C5: variants seen among roughly 807,000 people sequenced by gnomAD.
C5 encodes the protein complement C5.
C5 carries 140 observed loss-of-function variants against 218.8 expected under a neutral mutation model. The observed-to-expected ratio is 0.64, with a 90% CI of 0.56 to 0.74. The LOEUF (loss-of-function observed/expected upper bound fraction) is 0.74, where lower values mean the gene tolerates loss of function less well. C5 is among the 30% of genes least tolerant of loss of function. C5 has a pLI of 0.00. For missense variants in C5, 1,700 were observed against 1,969.6 expected, an observed-to-expected ratio of 0.86 and a Z score of 2.59; for synonymous variants, 614 against 682.3, an observed-to-expected ratio of 0.90 and a Z score of 1.56.
At position 120,978,495 on chromosome 9, in the gene C5, A is replaced by G. The variant is rs530706927; in HGVS notation, c.3658+1588T>C. Among the ~76,000 whole-genome samples the G allele has an allele frequency of 3.9e-5, 6 of 152,300 alleles. No individual in the cohort carries two copies. The South Asian group carries it at 1.0e-3, about 26-fold the overall frequency. ...CTTAAATTTTATGATTTTATGACCC[A>G]TATCTCACAATACCCAAGACATTTC... On this transcript the variant is annotated intron_variant, in intron 28 of 40. Coordinates refer to ENST00000223642, the MANE Select transcript of C5 (RefSeq NM_001735.3).
rs758284368 is a variant in C5 at position 121,015,247 on chromosome 9, C to T, written c.2011G>A (p.Glu671Lys). 5.6e-6 allele frequency: 9 copies of T among 1,604,608 alleles called. No individual in the cohort carries two copies. Among genetic ancestry groups the T allele is most frequent in the Middle Eastern group, 1.7e-4 (1 of 6,042 alleles). The change falls in exon 16 of 41, where the codon GAA becomes AAA. Residue 671 changes from glutamate (E) to lysine (K), a missense_variant. Glu to Lys is a moderately conservative substitution (Grantham distance 56, BLOSUM62 1). Coordinates refer to ENST00000223642, the MANE Select transcript of C5 (RefSeq NM_001735.3). ...AGCGTTCTTCTTGGCCTGAGAATTT[C>T]TTTACAAGGTTCATCTGGTTTTTTT... ...DSQENDEPCK[E>K]ILRPRRTLQK...
chr9:121,007,217 C>A (rs2047223314), intron 18 of C5, among the ~76,000 whole-genome samples: 1 of 152,150 alleles, frequency 6.6e-6, no homozygotes, highest in East Asian at 1.9e-4. Flanking sequence ...CAGAAGAATG[C>A]CTTTGAAACA....
chr9:120,991,281 CT>C lies in C5; in HGVS notation c.2852-2del, dbSNP rs1316405522. 6.3e-7 allele frequency: 1 copy of C among 1,585,918 alleles called. No homozygotes were observed. The highest frequency in any genetic ancestry group is 8.7e-7 in the Non-Finnish European group (1 of 1,154,524). The stretch of plus-strand genomic sequence containing the variant: ...AACTCCTTTCGTCTGCTAATGGTAC[CT>C]GTAATTTAGAAAATTTGGATTTATA... On this transcript the variant is annotated splice_acceptor_variant, in intron 22 of 40. Coordinates refer to ENST00000223642, the MANE Select transcript of C5 (RefSeq NM_001735.3). LOFTEE classifies it high-confidence loss of function.
chr9:120,969,192 G>C, intron 32 of C5, 74 bp from the exon 33 acceptor site: 1 of 1,178,296 alleles, frequency 8.5e-7, no homozygotes, highest in South Asian at 1.2e-5. Context: ...GAACCTGTCA[G>C]AACAGAATCA....
At chr9:121,056,128 A>C in the C5 span, among the ~76,000 whole-genome samples, 1 of 152,210 alleles carries the variant, frequency 6.6e-6, no homozygotes, top group African/African-American at 2.4e-5. Context: ...AAACCTTCTC[A>C]AGGACAGGGA....
At chr9:120,985,712 T>C (rs1468065699) in intron 25 of C5, among the ~76,000 whole-genome samples, 1 of 152,202 alleles carries the variant, frequency 6.6e-6, no homozygotes, top group African/African-American at 2.4e-5. Flanking sequence ...ATGATAGGTA[T>C]AGTATGATAC....
At chr9:121,006,202 C>A in intron 19 of C5, 144 bp from the exon 20 acceptor site, 1 of 729,768 alleles carries the variant, frequency 1.4e-6, no homozygotes, top group Non-Finnish European at 2.3e-6. Context: ...CAACTCATGT[C>A]CTTGAATTTT....
At chr9:121,062,485 T>G in the C5 span, among the ~76,000 whole-genome samples, 1 of 152,238 alleles carries the variant, frequency 6.6e-6, no homozygotes, top group Non-Finnish European at 1.5e-5. Context: ...TTGGAGTAGC[T>G]AAGTCAGGAG....
chr9:121,029,730 T>C (rs2047457365), intron 7 of C5, among the ~76,000 whole-genome samples: 1 of 152,178 alleles, frequency 6.6e-6, no homozygotes. Context: ...GACAAAAGAA[T>C]GTGTGGAAGT....
At chr9:121,009,548 T>C (rs1263453034) in intron 17 of C5, among the ~76,000 whole-genome samples, 1 of 152,172 alleles carries the variant, frequency 6.6e-6, no homozygotes, top group Non-Finnish European at 1.5e-5. Flanking sequence ...GCCAGATGAT[T>C]ATAGTTGAAA....
chr9:121,015,878 C>T (rs769012332), intron 15 of C5, among the ~76,000 whole-genome samples: 4 of 152,064 alleles, frequency 2.6e-5, no homozygotes, highest in African/African-American at 9.7e-5. Context: ...CTCGTAGAGG[C>T]GATGATTCTT....
intron 29 of C5, among the ~76,000 whole-genome samples, chr9:120,976,080 A>G (rs980186624): frequency 6.6e-6 from 1 of 152,196 alleles, no homozygotes; most frequent in African/African-American, 2.4e-5. Context: ...ATTAATACTG[A>G]AGGCCCTCTC....
intron 26 of C5, 57 bp from the exon 27 acceptor site, chr9:120,981,996 A>T (rs2046997751): frequency 9.1e-7 from 1 of 1,103,012 alleles, no homozygotes; most frequent in Non-Finnish European, 1.4e-6. Flanking sequence ...AGGCGAAATG[A>T]CCTGATTCTA....
Position 121,019,969 on chromosome 9 carries a change from T to C in C5, c.1506+7A>G, listed in dbSNP as rs776475072. 6.6e-7 allele frequency: 1 copy of C among 1,506,664 alleles called. No homozygotes were observed. Among genetic ancestry groups the C allele is most frequent in the Non-Finnish European group, 9.2e-7 (1 of 1,082,208 alleles). 93.3% of individuals were successfully genotyped at this position (1,506,664 alleles called of 1,614,324 possible). On this transcript the variant is annotated splice_region_variant and intron_variant, in intron 12 of 40. Transcript: ENST00000223642. ...AATAAGATGTAAATCCATCATTATG[T>C]ACTTACCAAGTAATTATAGTGAGTT...
At position 120,996,284 on chromosome 9, in the gene C5, C is replaced by G. The variant is rs1026449614; in HGVS notation, c.2807G>C (p.Arg936Thr). The stretch of plus-strand genomic sequence containing the variant: ...CAAAGTAACACCAGAATAGCTTTCC[C>G]TTTTGACACCTTCTGGCTAAAATAA... Reference protein sequence around the residue: ...TLRVVPEGVKRESYSGVTLDP... With the variant: ...TLRVVPEGVKTESYSGVTLDP... Residue 936 changes from arginine to threonine, a missense_variant, in exon 22 of 41, where the codon AGG becomes ACG. Arg to Thr is a moderately conservative substitution (Grantham distance 71). Coordinates refer to ENST00000223642, the MANE Select transcript of C5 (RefSeq NM_001735.3). 6.2e-7 allele frequency: 1 copy of G among 1,612,240 alleles called. No homozygotes were observed. The highest frequency in any genetic ancestry group is 8.5e-7 in the Non-Finnish European group (1 of 1,178,536).
At position 120,991,701 on chromosome 9, in the gene C5, T is replaced by G. The variant is rs577155440; in HGVS notation, c.2852-421A>C. On this transcript the variant is annotated intron_variant, in intron 22 of 40. Coordinates refer to ENST00000223642, the MANE Select transcript of C5 (RefSeq NM_001735.3). ...ATCTGAAATTCTTTCCACCTTCCCTTCCCAGTCTAGTTTTGATACTTTTTA... is the reference window on the plus strand; with the variant it reads ...ATCTGAAATTCTTTCCACCTTCCCTGCCCAGTCTAGTTTTGATACTTTTTA... Among the ~76,000 whole-genome samples the G allele has an allele frequency of 4.7e-4, 72 of 152,314 alleles. 1 individual carries two copies. The South Asian group carries it at 0.014, about 31-fold the overall frequency.
chr9:121,029,944 G>A (rs1057344413), intron 7 of C5, among the ~76,000 whole-genome samples: 2 of 152,160 alleles, frequency 1.3e-5, no homozygotes, highest in East Asian at 3.9e-4. Context: ...GCAGCTACAT[G>A]GGTGAGCCCA....
At chr9:121,071,408 G>T in the C5 span, among the ~76,000 whole-genome samples, 1 of 151,856 alleles carries the variant, frequency 6.6e-6, no homozygotes, top group Non-Finnish European at 1.5e-5. Context: ...AATCAGGCTG[G>T]GCATGCTGGC....
intron 26 of C5, among the ~76,000 whole-genome samples, chr9:120,982,425 C>G (rs961162528): frequency 6.6e-6 from 1 of 152,206 alleles, no homozygotes; most frequent in Admixed American, 6.5e-5. Flanking sequence ...ACCTCCACCC[C>G]GTTAAACGAG....
Sources: allele counts gnomAD v4.1 joint callset (sites outside exome capture counted in the v4.1 genomes callset), GRCh38; gene constraint gnomAD v4.1.1; transcripts MANE v1.5; gene names NCBI Gene and HGNC (gene_info 2026-07-23, HGNC 2026-07-21).